Variants in DENND4A observed in about 807,000 individuals in gnomAD.
DENND4A encodes C-myc promoter-binding protein.
Under a neutral mutation model 199.3 loss-of-function variants are expected in DENND4A, and 70 were observed. The observed-to-expected ratio is 0.35, with a 90% CI of 0.29 to 0.43. DENND4A has a LOEUF of 0.43. DENND4A is among the 20% of genes least tolerant of loss of function. The pLI is 1.00. For synonymous variants in DENND4A, 686 were observed against 766.9 expected, an observed-to-expected ratio of 0.89 and a Z score of 1.74; for missense variants, 1,723 against 2,255.8, an observed-to-expected ratio of 0.76 and a Z score of 4.78.
intron 25 of DENND4A, 71 bp downstream of exon 25, chr15:65,671,721 A>T (rs909541920): frequency 1.9e-5 from 20 of 1,066,764 alleles, no homozygotes; most frequent in Non-Finnish European, 2.8e-5. Context: ...TCTACCTGGG[A>T]CCACTAATAC....
chr15:65,729,378 A>G, intron 10 of DENND4A, 131 bp from the exon 11 acceptor site: 3 of 1,366,890 alleles, frequency 2.2e-6, no homozygotes, highest in Non-Finnish European at 3.1e-6. Context: ...AATAATTATA[A>G]CTAGAGTTAA....
At chr15:65,763,609 G>A (rs1213737130) in intron 1 of DENND4A, among the ~76,000 whole-genome samples, 5 of 148,942 alleles carry the variant, frequency 3.4e-5, no homozygotes, top group Admixed American at 6.8e-5. Context: ...CCAGGAGGTC[G>A]AGGCTGCAGT....
chr15:65,748,039 CAAAAAAAAAAA>C (rs34813076), intron 4 of DENND4A, among the ~76,000 whole-genome samples: 1 of 54,372 alleles, frequency 1.8e-5, no homozygotes, highest in Admixed American at 2.7e-4. Context: ...TACTCCGTCT[CAAAAAAAAAAA>C]AAAAAAAAAA....
chr15:65,759,333 T>G (rs6494538), intron 2 of DENND4A, among the ~76,000 whole-genome samples: 1 of 151,794 alleles, frequency 6.6e-6, no homozygotes. Context: ...CAAAAATTAG[T>G]CAGGTGTGGT....
At chr15:65,689,893 C>G (rs1301653183) in intron 23 of DENND4A, among the ~76,000 whole-genome samples, 2 of 152,180 alleles carry the variant, frequency 1.3e-5, no homozygotes, top group Admixed American at 6.5e-5. Context: ...GAAAGTGGCT[C>G]TAGAACTTCA....
intron 1 of DENND4A, among the ~76,000 whole-genome samples, chr15:65,774,311 A>G (rs1238478582): frequency 2.6e-5 from 4 of 151,928 alleles, no homozygotes; most frequent in African/African-American, 9.7e-5. Context: ...ACCAACATGG[A>G]GAAACCCAGT....
Position 65,761,880 on chromosome 15 carries a change from T to G in DENND4A, c.-101-442A>C, listed in dbSNP as rs372790282. On this transcript the variant is annotated intron_variant, in intron 1 of 32. Coordinates refer to ENST00000443035, the MANE Select transcript of DENND4A (RefSeq NM_001320835.1). Reference sequence around the variant, plus strand: ...CAAGTAACTTCCATATAAAAAAAAGTTTCAAAGAAGTCAATACCCAAAAGT... The same window carrying G: ...CAAGTAACTTCCATATAAAAAAAAGGTTCAAAGAAGTCAATACCCAAAAGT... Among the ~76,000 whole-genome samples the G allele has an allele frequency of 7.9e-5, 12 of 152,226 alleles. No individual in the cohort carries two copies. In the East Asian group the frequency reaches 1.9e-3, roughly 24 times the overall value.
chr15:65,700,958 T>G, intron 19 of DENND4A, 93 bp downstream of exon 19: 2 of 1,374,280 alleles, frequency 1.5e-6, no homozygotes, highest in African/African-American at 1.5e-5. Flanking sequence ...ACTAAAACAT[T>G]CAATATTTTA....
At chr15:65,699,438 T>C (rs2077270026) in intron 20 of DENND4A, among the ~76,000 whole-genome samples, 1 of 151,760 alleles carries the variant, frequency 6.6e-6, no homozygotes, top group Non-Finnish European at 1.5e-5. Context: ...GTAATAATAG[T>C]TAAGAAAAGC....
At chr15:65,664,921 G>A in intron 30 of DENND4A, 199 bp from the exon 31 acceptor site, 1 of 522,942 alleles carries the variant, frequency 1.9e-6, no homozygotes, top group Non-Finnish European at 3.3e-6. Flanking sequence ...AGCTTTCTGT[G>A]GTCTTAAATA....
At chr15:65,749,459 T>G (rs1444003497) in intron 4 of DENND4A, among the ~76,000 whole-genome samples, 3 of 152,184 alleles carry the variant, frequency 2.0e-5, no homozygotes, top group Non-Finnish European at 4.4e-5. Context: ...TGTAACTTGT[T>G]TTATAGAAGA....
rs1253026624 is a variant in DENND4A at position 65,671,833 on chromosome 15, T to C, written c.4423A>G (p.Asn1475Asp). ...PGKSEVTSSF[N>D]ASNTNIFQNY... ...TGGAAGATATTTGTATTACTCGCGTTGAAGGAAGATGTCACTTCTGATTTC... is the reference window on the plus strand; with the variant it reads ...TGGAAGATATTTGTATTACTCGCGTCGAAGGAAGATGTCACTTCTGATTTC... Residue 1475 changes from asparagine to aspartate, a missense_variant, in exon 25 of 33, where the codon AAC becomes GAC. By Grantham distance (23) the Asn-to-Asp change is conservative (BLOSUM62 1). Coordinates refer to ENST00000443035, the MANE Select transcript of DENND4A (RefSeq NM_001320835.1). The C allele has an allele frequency of 1.2e-6, 2 of 1,612,974 alleles. No individual in the cohort carries two copies. Among genetic ancestry groups the C allele is most frequent in the Non-Finnish European group, 1.7e-6 (2 of 1,179,030 alleles).
Position 65,685,931 on chromosome 15 carries a change from T to C in DENND4A, c.4179+4484A>G, listed in dbSNP as rs62014386. On this transcript the variant is annotated intron_variant, in intron 23 of 32. Transcript: ENST00000443035. ...CAGCACAGTCTTGATAGCTGTAGCTTTGTAGTAAATTTTGAAATTGGGAAG... is the reference window on the plus strand; with the variant it reads ...CAGCACAGTCTTGATAGCTGTAGCTCTGTAGTAAATTTTGAAATTGGGAAG... Among the ~76,000 whole-genome samples the C allele has an allele frequency of 6.4e-3, 971 of 152,342 alleles. 6 individuals are homozygous for C. Among genetic ancestry groups the C allele is most frequent in the Non-Finnish European group, 0.01 (698 of 68,028 alleles).
chr15:65,727,323 G>A (rs922695901), intron 11 of DENND4A, among the ~76,000 whole-genome samples: 2 of 150,676 alleles, frequency 1.3e-5, no homozygotes, highest in African/African-American at 4.9e-5. Flanking sequence ...CATGGTGGCG[G>A]GTACCTGTAG....
At chr15:65,772,706 CAAAAAAAAAAAA>C (rs34181353) in intron 1 of DENND4A, among the ~76,000 whole-genome samples, 15 of 33,598 alleles carry the variant, frequency 4.5e-4, no homozygotes, top group East Asian at 2.3e-3. Context: ...GACTCCGTCT[CAAAAAAAAAAAA>C]AAAAAAAAAA....
At position 65,729,533 on chromosome 15, in the gene DENND4A, C is replaced by A; in HGVS notation, c.1311+1G>T. On this transcript the variant is annotated splice_donor_variant, in intron 10 of 32. Transcript: ENST00000443035. LOFTEE classifies it high-confidence loss of function. ...TGCCAATAAGAAACTGTGATACTCA[C>A]AGACACTAATGCTTCTGTCACACTA... 1 of 1,606,192 alleles carries A rather than the reference C, an allele frequency of 6.2e-7. No homozygotes were observed. The highest frequency in any genetic ancestry group is 8.5e-7 in the Non-Finnish European group (1 of 1,176,706).
chr15:65,755,602 C>CA (rs2076681215), intron 3 of DENND4A, among the ~76,000 whole-genome samples: 1 of 151,844 alleles, frequency 6.6e-6, no homozygotes, highest in South Asian at 2.1e-4. Flanking sequence ...CCTGTCTCTA[C>CA]AAAAAAATTA....
intron 2 of DENND4A, among the ~76,000 whole-genome samples, chr15:65,757,439 A>G (rs1369772043): frequency 6.6e-6 from 1 of 152,166 alleles, no homozygotes; most frequent in East Asian, 1.9e-4. Context: ...CAGACCACAT[A>G]GATAGAGAAT....
At chr15:65,756,508 A>G in intron 2 of DENND4A, 36 bp from the exon 3 acceptor site, 1 of 1,443,744 alleles carries the variant, frequency 6.9e-7, no homozygotes, top group Non-Finnish European at 9.3e-7. Flanking sequence ...CTCCCCTATA[A>G]TAAGCAAAAT....
Sources: gnomAD v4.1 joint callset for allele counts (sites outside exome capture counted in the v4.1 genomes callset) on GRCh38, gnomAD v4.1.1 for gene constraint, MANE v1.5 for transcripts, NCBI Gene and HGNC (gene_info 2026-07-23, HGNC 2026-07-21) for gene names.